ZNF595: variants seen among roughly 807,000 people sequenced by gnomAD.
ZNF595 encodes zinc finger protein 595.
ZNF595 carries 9 observed loss-of-function variants against 19.4 expected under a neutral mutation model. That is an observed-to-expected ratio of 0.46 (90% CI 0.28 to 0.81). The LOEUF (loss-of-function observed/expected upper bound fraction) is 0.81. ZNF595 is among the 30% of genes least tolerant of loss of function. The probability of loss-of-function intolerance (pLI) is 0.11; values close to 1 mark genes in which losing one functional copy is unlikely to be tolerated. For missense variants in ZNF595, 729 were observed against 736.0 expected (o/e 0.99, Z 0.11); for synonymous variants, 255 against 255.9 (o/e 1.00, Z 0.03).
rs117211082 is a variant in ZNF595 at position 85,484 on chromosome 4, G to A, written c.227-247G>A. ...GTAAATATAACAAACTTTCCTTCCT[G>A]TTCCATGTGGTTCTTAGTATTGTAC... On this transcript the variant is annotated intron_variant, in intron 3 of 3. Coordinates refer to ENST00000610261, the MANE Select transcript of ZNF595 (RefSeq NM_182524.4). 3.8e-4 allele frequency among the ~76,000 whole-genome samples: 58 copies of A among 152,264 alleles called. No individual in the cohort carries two copies. In the East Asian group the frequency reaches 0.01, roughly 27 times the overall value.
chr4:79,484 G>A (rs1487204310), intron 3 of ZNF595, among the ~76,000 whole-genome samples: 1 of 152,132 alleles, frequency 6.6e-6, no homozygotes, highest in Non-Finnish European at 1.5e-5. Context: ...TGAAAAGACT[G>A]TCTTTTTCCA....
intron 3 of ZNF595, among the ~76,000 whole-genome samples, chr4:74,232 G>A (rs1713552647): frequency 6.6e-6 from 1 of 152,052 alleles, no homozygotes; most frequent in Non-Finnish European, 1.5e-5. Context: ...TGAAGGCTGG[G>A]ATGTTGAGGC....
chr4:54,371 G>GAT (rs1581308407), intron 1 of ZNF595, among the ~76,000 whole-genome samples: 2 of 151,980 alleles, frequency 1.3e-5, no homozygotes, highest in East Asian at 3.9e-4. Context: ...GGCTGAGCCT[G>GAT]GGCTGGAGAA....
In ZNF595 at chr4:81,748, A is replaced by C. The variant is rs78939693; in HGVS notation, c.227-3983A>C. On this transcript the variant is annotated intron_variant, in intron 3 of 3. Transcript: ENST00000610261. ...AATTCTGTTTTCTGTTTTAGAGTCA[A>C]ACTGCTTTAGATATCTCATGTGAGT... Among the ~76,000 whole-genome samples, 49 of 152,284 alleles carry C rather than the reference A, an allele frequency of 3.2e-4. No homozygotes were observed. In the East Asian group the frequency reaches 9.3e-3, roughly 29 times the overall value.
chr4:70,678 T>C (rs906671371), intron 3 of ZNF595, among the ~76,000 whole-genome samples: 3 of 152,230 alleles, frequency 2.0e-5, no homozygotes, highest in East Asian at 3.8e-4. Flanking sequence ...ATAAGTTTGC[T>C]GTAGATGTAT....
chr4:73,567 G>A (rs1396092725), intron 3 of ZNF595, among the ~76,000 whole-genome samples: 1 of 152,150 alleles, frequency 6.6e-6, no homozygotes, highest in Non-Finnish European at 1.5e-5. Context: ...TGATTTATTA[G>A]CAGTAAGCTT....
intron 3 of ZNF595, among the ~76,000 whole-genome samples, chr4:69,019 G>C (rs9999459): frequency 6.6e-6 from 1 of 152,170 alleles, no homozygotes; most frequent in Admixed American, 6.5e-5. Context: ...GCCATCATGT[G>C]CCTGGCTTAT....
In ZNF595 at chr4:85,733, A is replaced by C. The variant is rs374054079; in HGVS notation, c.229A>C (p.Ile77Leu). ...IHETAAKPPA[I>L]CSPFSQDLSP... The stretch of plus-strand genomic sequence containing the variant: ...TTTGTTATTTTTATTTCTTTCAGCT[A>C]TATGTTCTCCTTTCAGCCAAGACCT... The change falls in exon 4 of 4, where the codon ATA becomes CTA. Residue 77 changes from isoleucine to leucine, a missense_variant and splice_region_variant. Physicochemically the swap from Ile to Leu is conservative, Grantham distance 5. This residue lies in a region of ZNF595 where 729 missense variants were observed against 675.3 expected (regional missense o/e 1.08). Coordinates refer to ENST00000610261, the MANE Select transcript of ZNF595 (RefSeq NM_182524.4). The C allele has an allele frequency of 2.6e-6, 4 of 1,558,724 alleles. No individual in the cohort carries two copies. The Admixed American group carries it at 6.0e-5, about 24-fold the overall frequency.
chr4:80,279 A>C (rs1713849244), intron 3 of ZNF595, among the ~76,000 whole-genome samples: 1 of 152,200 alleles, frequency 6.6e-6, no homozygotes, highest in Non-Finnish European at 1.5e-5. Flanking sequence ...TCGGCCTCCC[A>C]AAGTGCTGGG....
intron 3 of ZNF595, among the ~76,000 whole-genome samples, chr4:83,050 GAC>G (rs1177638070): frequency 5.9e-5 from 9 of 151,890 alleles, no homozygotes; most frequent in African/African-American, 2.2e-4. Flanking sequence ...CCTAATGTAA[GAC>G]ACACATACAC....
At position 85,939 on chromosome 4, in the gene ZNF595, T is replaced by C; in HGVS notation, c.435T>C (p.Phe145=). 6.2e-7 allele frequency: 1 copy of C among 1,613,032 alleles called. No individual in the cohort carries two copies. The highest frequency in any genetic ancestry group is 1.7e-4 in the Middle Eastern group (1 of 6,060). Residue 145 remains phenylalanine, a synonymous_variant, in exon 4 of 4, where the codon TTT becomes TTC. Transcript: ENST00000610261. ...TGTCAACTACCCAGAGCAAAATATT[T>C]CAATGTAATACATGTGTTAAAGTTT... ...QCLSTTQSKI[F]QCNTCVKVFS...
intron 3 of ZNF595, among the ~76,000 whole-genome samples, chr4:82,289 T>G (rs1197632150): frequency 6.6e-6 from 1 of 151,896 alleles, no homozygotes; most frequent in Non-Finnish European, 1.5e-5. Context: ...AGTCCAGATA[T>G]CTTCATATTT....
intron 3 of ZNF595, among the ~76,000 whole-genome samples, chr4:72,691 A>C (rs550428042): frequency 6.8e-6 from 1 of 146,302 alleles, no homozygotes; most frequent in African/African-American, 2.5e-5. Context: ...TTTCTTGTTG[A>C]AGTATGAAAT....
intron 3 of ZNF595, among the ~76,000 whole-genome samples, chr4:84,472 A>G (rs1248290839): frequency 1.3e-5 from 2 of 152,102 alleles, no homozygotes; most frequent in East Asian, 3.9e-4. Context: ...ACAGTTTTGC[A>G]TGTTATGGTA....
Position 86,788 on chromosome 4 carries a change from A to G in ZNF595, c.1284A>G (p.Glu428=). 6.2e-7 allele frequency: 1 copy of G among 1,614,006 alleles called. No individual in the cohort carries two copies. Among genetic ancestry groups the G allele is most frequent in the South Asian group, 1.1e-5 (1 of 91,074 alleles). Residue 428 remains glutamate, a synonymous_variant, in exon 4 of 4, where the codon GAA becomes GAG. Coordinates refer to ENST00000610261, the MANE Select transcript of ZNF595 (RefSeq NM_182524.4). ...GAGAGAAACCCTACACGTGCGAAGA[A>G]TGTGGCAAAGCTTTTAACCAATCCT... ...HTGEKPYTCE[E]CGKAFNQSST... is the part of the protein sequence containing the mutation.
chr4:78,303 C>T (rs572493031), intron 3 of ZNF595, among the ~76,000 whole-genome samples: 174 of 152,280 alleles, frequency 1.1e-3, no homozygotes, highest in Middle Eastern at 3.4e-3. Flanking sequence ...CCACCGCGCC[C>T]GACCTTTTGT....
At chr4:62,089 A>G (rs1581324479) in intron 3 of ZNF595, among the ~76,000 whole-genome samples, 12 of 112,268 alleles carry the variant, frequency 1.1e-4, no homozygotes, top group East Asian at 8.6e-4. Flanking sequence ...TATAAAGACA[A>G]TGCTATTTTG....
chr4:75,940 A>G (rs1311698967), intron 3 of ZNF595, among the ~76,000 whole-genome samples: 9 of 152,070 alleles, frequency 5.9e-5, no homozygotes, highest in Non-Finnish European at 1.2e-4. Flanking sequence ...CCCAGGCTGT[A>G]GTGCAATGGT....
intron 3 of ZNF595, among the ~76,000 whole-genome samples, chr4:76,588 C>A (rs2108757604): frequency 6.6e-6 from 1 of 152,210 alleles, no homozygotes. Flanking sequence ...TCCGTTATTA[C>A]AACTTGAAAA....
Sources: gnomAD v4.1 joint callset for allele counts (sites outside exome capture counted in the v4.1 genomes callset) on GRCh38, gnomAD v4.1.1 for gene constraint, gnomAD v4.1.1 regional missense constraint, MANE v1.5 for transcripts, NCBI Gene and HGNC (gene_info 2026-07-23, HGNC 2026-07-21) for gene names.